MAEL: variants seen among roughly 807,000 people sequenced by gnomAD.
MAEL encodes the protein protein maelstrom homolog.
MAEL carries 46 observed loss-of-function variants against 62.0 expected under a neutral mutation model. That is an observed-to-expected ratio of 0.74 (90% CI 0.59 to 0.95). The LOEUF (loss-of-function observed/expected upper bound fraction) is 0.95. Ranked by LOEUF, MAEL falls within the 40% of genes least tolerant of loss-of-function variation. MAEL has a pLI of 0.00. For missense variants in MAEL, 497 were observed against 526.8 expected (o/e 0.94, Z 0.55); for synonymous variants, 172 against 175.5 (o/e 0.98, Z 0.16).
intron 3 of MAEL, among the ~76,000 whole-genome samples, chr1:166,992,398 C>T (rs1664216891): frequency 1.3e-5 from 2 of 152,248 alleles, no homozygotes; most frequent in Admixed American, 6.5e-5. Flanking sequence ...TCCTGAGATT[C>T]AGGGCTTATC....
chr1:166,998,059 C>T (rs2102082800), intron 5 of MAEL, among the ~76,000 whole-genome samples: 1 of 152,208 alleles, frequency 6.6e-6, no homozygotes, highest in South Asian at 2.1e-4. Context: ...TACTTTTTTG[C>T]TGTCAATATC....
chr1:166,999,941 G>A (rs1440020829), intron 5 of MAEL, among the ~76,000 whole-genome samples: 5 of 151,758 alleles, frequency 3.3e-5, no homozygotes, highest in African/African-American at 1.2e-4. Context: ...AATATTTTAA[G>A]AACACTGTTG....
intron 6 of MAEL, among the ~76,000 whole-genome samples, chr1:167,004,535 G>A (rs1179372231): frequency 6.6e-6 from 1 of 152,104 alleles, no homozygotes; most frequent in East Asian, 1.9e-4. Flanking sequence ...TTTTGGTAGA[G>A]TTCATGTTCT....
chr1:166,975,885 G>A (rs1056671671), intron 1 of MAEL, among the ~76,000 whole-genome samples: 2 of 152,102 alleles, frequency 1.3e-5, no homozygotes, highest in African/African-American at 4.8e-5. Context: ...CAACCTGAAC[G>A]GGGAGAGAGT....
intron 8 of MAEL, 161 bp downstream of exon 8, chr1:167,005,558 G>A: frequency 1.8e-6 from 1 of 546,582 alleles, no homozygotes; most frequent in Non-Finnish European, 3.0e-6. Flanking sequence ...AAGATATATT[G>A]TTACTTGTGT....
Position 167,021,725 on chromosome 1 carries a change from G to GAATTACCCGCTTACT in MAEL, c.1177_1191dup (p.Ile393_Leu397dup). 2 of 1,613,166 alleles carry GAATTACCCGCTTACT rather than the reference G, an allele frequency of 1.2e-6. No homozygotes were observed. Among genetic ancestry groups the GAATTACCCGCTTACT allele is most frequent in the Non-Finnish European group, 1.7e-6 (2 of 1,179,680 alleles). On this transcript the variant is annotated inframe_insertion, in exon 12 of 12. Coordinates refer to ENST00000367872, the MANE Select transcript of MAEL (RefSeq NM_032858.3). ...CAAAACAGCAGCGTTCGGGGAAGAGGAATTACCCGCTTACTAGAGAGCATT... is the reference window on the plus strand; with the variant it reads ...CAAAACAGCAGCGTTCGGGGAAGAGGAATTACCCGCTTACTAATTACCCGCTTACTAGAGAGCATT...
intron 10 of MAEL, among the ~76,000 whole-genome samples, chr1:167,019,390 G>A (rs1665534683): frequency 6.6e-6 from 1 of 152,016 alleles, no homozygotes; most frequent in South Asian, 2.1e-4. Context: ...ACTATAGGAA[G>A]CCTAGGACTC....
At chr1:167,006,616 TA>T (rs1557982436) in intron 8 of MAEL, among the ~76,000 whole-genome samples, 1 of 77,616 alleles carries the variant, frequency 1.3e-5, no homozygotes, top group African/African-American at 6.0e-5. Flanking sequence ...TATATATATA[TA>T]TATATATATA....
chr1:167,021,056 T>C (rs548721623), intron 10 of MAEL, 29 bp from the exon 11 acceptor site: 3 of 1,509,922 alleles, frequency 2.0e-6, no homozygotes, highest in African/African-American at 2.7e-5. Flanking sequence ...TAAACATTTT[T>C]CCCCCTGGTA....
intron 10 of MAEL, among the ~76,000 whole-genome samples, chr1:167,019,928 AG>A (rs1665553928): frequency 6.6e-6 from 1 of 152,024 alleles, no homozygotes; most frequent in African/African-American, 2.4e-5. Context: ...CTAACCTCTC[AG>A]TTTGATTTCC....
At chr1:167,004,471 AT>A (rs1342010025) in intron 6 of MAEL, among the ~76,000 whole-genome samples, 167 bp downstream of exon 6, 1 of 151,268 alleles carries the variant, frequency 6.6e-6, no homozygotes, top group African/African-American at 2.4e-5. Flanking sequence ...TATTTTAAAA[AT>A]GTCTCCAATT....
chr1:166,994,019 G>C lies in MAEL; in HGVS notation c.482-9G>C. On this transcript the variant is annotated splice_polypyrimidine_tract_variant and intron_variant, in intron 4 of 11. Coordinates refer to ENST00000367872, the MANE Select transcript of MAEL (RefSeq NM_032858.3). ...TTTTTGCTTCTCAACAAGATATTTTGTATTATAGGTGAAATTCCACGAGGA... is the reference window on the plus strand; with the variant it reads ...TTTTTGCTTCTCAACAAGATATTTTCTATTATAGGTGAAATTCCACGAGGA... The C allele has an allele frequency of 6.2e-7, 1 of 1,611,708 alleles. No homozygotes were observed. The highest frequency in any genetic ancestry group is 8.5e-7 in the Non-Finnish European group (1 of 1,178,740).
At chr1:166,998,731 A>G (rs1664532947) in intron 5 of MAEL, among the ~76,000 whole-genome samples, 1 of 152,166 alleles carries the variant, frequency 6.6e-6, no homozygotes, top group Admixed American at 6.5e-5. Flanking sequence ...TGCACTTTGC[A>G]TATATTGCAT....
rs531170531 is a variant in MAEL, at chr1:166,976,822, G to T, written c.-121+1156G>T. 5.3e-5 allele frequency among the ~76,000 whole-genome samples: 8 copies of T among 152,268 alleles called. No homozygotes were observed. In the South Asian group the frequency reaches 1.0e-3, roughly 20 times the overall value. On this transcript the variant is annotated intron_variant, in intron 1 of 12. Coordinates refer to the MAEL transcript ENST00000622874. ...GAACATGTGAGAAATGGGAAGAATA[G>T]ACCCTGGGCAGCTGTCTTTTATGGC...
intron 10 of MAEL, 58 bp downstream of exon 10, chr1:167,018,017 T>C: frequency 5.2e-6 from 8 of 1,535,382 alleles, no homozygotes; most frequent in Non-Finnish European, 7.1e-6. Flanking sequence ...TCAATGTGAT[T>C]CTGGCCAACA....
At chr1:167,016,041 T>C (rs1421232031) in intron 8 of MAEL, 181 bp from the exon 9 acceptor site, 2 of 629,518 alleles carry the variant, frequency 3.2e-6, no homozygotes, top group Admixed American at 5.2e-5. Context: ...CGTAGTATCA[T>C]GAATTTGTAT....
At chr1:167,016,113 T>G in intron 8 of MAEL, 109 bp from the exon 9 acceptor site, 1 of 927,338 alleles carries the variant, frequency 1.1e-6, no homozygotes, top group Non-Finnish European at 1.8e-6. Flanking sequence ...GAAGTTTTAG[T>G]CTTCAAGTAA....
At chr1:167,004,980 C>G in intron 6 of MAEL, 96 bp from the exon 7 acceptor site, 1 of 1,190,950 alleles carries the variant, frequency 8.4e-7, no homozygotes, top group Non-Finnish European at 1.2e-6. Flanking sequence ...ACCTCCCAAC[C>G]CCCACATTTT....
intron 5 of MAEL, among the ~76,000 whole-genome samples, chr1:167,003,926 A>C (rs976659877): frequency 6.6e-6 from 1 of 152,198 alleles, no homozygotes; most frequent in African/African-American, 2.4e-5. Context: ...CTGTTTACCA[A>C]TTATTAACTT....
Sources: allele counts gnomAD v4.1 joint callset (sites outside exome capture counted in the v4.1 genomes callset), GRCh38; gene constraint gnomAD v4.1.1; transcripts MANE v1.5; gene names NCBI Gene and HGNC (gene_info 2026-07-23, HGNC 2026-07-21).